Variants in GTF2F2 observed in about 807,000 individuals in gnomAD.
GTF2F2 encodes the protein general transcription factor IIF subunit 2.
GTF2F2 carries 23 observed loss-of-function variants against 42.2 expected under a neutral mutation model. The observed-to-expected ratio is 0.55, with a 90% confidence interval of 0.39 to 0.77. GTF2F2 has a LOEUF of 0.77. GTF2F2 is among the 30% of genes least tolerant of loss of function. GTF2F2 has a pLI of 0.00. For synonymous variants in GTF2F2, 105 were observed against 100.8 expected (o/e 1.04, Z -0.25); for missense variants, 261 against 287.2 (o/e 0.91, Z 0.66).
intron 1 of GTF2F2, among the ~76,000 whole-genome samples, chr13:45,121,913 A>AGATT (rs10643563): frequency 0.1 from 15,331 of 152,100 alleles, 2,010 homozygotes; most frequent in African/African-American, 0.31. Context: ...ACTAAGGAGG[A>AGATT]GATTGCCCTT....
chr13:45,284,379 C>T lies in GTF2F2; in HGVS notation c.*818C>T, dbSNP rs1455172556. 2 of 151,954 alleles carry T rather than the reference C, an allele frequency of 1.3e-5. No homozygotes were observed. Among genetic ancestry groups the T allele is most frequent in the Non-Finnish European group, 2.9e-5 (2 of 67,982 alleles). 9.4% of individuals were successfully genotyped at this position (151,954 alleles called of 1,614,324 possible). A position where few individuals can be genotyped will look rare whatever the true frequency, so the allele number is the denominator to read the frequency against. On this transcript the variant is annotated 3_prime_UTR_variant, in exon 8 of 8. Coordinates refer to ENST00000340473, the MANE Select transcript of GTF2F2 (RefSeq NM_004128.3). Reference sequence around the variant, plus strand: ...CAAAAGATGGGCGTAGGGGTCCAGCCGAGACAGAAAACGTTAGTTTCAATT... The same window carrying T: ...CAAAAGATGGGCGTAGGGGTCCAGCTGAGACAGAAAACGTTAGTTTCAATT...
chr13:45,273,077 C>A (rs1876871162), intron 7 of GTF2F2, among the ~76,000 whole-genome samples: 2 of 151,846 alleles, frequency 1.3e-5, no homozygotes, highest in Non-Finnish European at 2.9e-5. Context: ...GGGCGCCCGC[C>A]ACCACGCCTG....
intron 4 of GTF2F2, among the ~76,000 whole-genome samples, chr13:45,180,878 T>C (rs1484461404): frequency 6.6e-6 from 1 of 152,050 alleles, no homozygotes; most frequent in Non-Finnish European, 1.5e-5. Flanking sequence ...AAAACGAAAG[T>C]GATCTGGGCG....
intron 6 of GTF2F2, among the ~76,000 whole-genome samples, chr13:45,264,384 C>T (rs925210111): frequency 6.6e-6 from 1 of 151,874 alleles, no homozygotes; most frequent in Admixed American, 6.6e-5. Context: ...TGGCTTCAAG[C>T]GATTCTGCTG....
chr13:45,157,980 T>C (rs1870847819), intron 4 of GTF2F2, among the ~76,000 whole-genome samples: 1 of 152,246 alleles, frequency 6.6e-6, no homozygotes, highest in Non-Finnish European at 1.5e-5. Context: ...CTGCCAGTGA[T>C]ACATTATTCT....
chr13:45,224,461 T>C (rs1874246556), intron 5 of GTF2F2, among the ~76,000 whole-genome samples: 1 of 152,234 alleles, frequency 6.6e-6, no homozygotes, highest in South Asian at 2.1e-4. Context: ...CTGTGACATC[T>C]GTTTTGGTTG....
chr13:45,166,089 C>T (rs1159446324), intron 4 of GTF2F2, among the ~76,000 whole-genome samples: 1 of 152,132 alleles, frequency 6.6e-6, no homozygotes, highest in Non-Finnish European at 1.5e-5. Flanking sequence ...GCTGGGATTA[C>T]AGGCGTGAGC....
At chr13:45,223,963 A>T (rs1249937504) in intron 5 of GTF2F2, among the ~76,000 whole-genome samples, 1 of 152,200 alleles carries the variant, frequency 6.6e-6, no homozygotes, top group Non-Finnish European at 1.5e-5. Context: ...TTTGTAACTT[A>T]AAATTTTTAG....
chr13:45,180,435 T>C (rs1872094355), intron 4 of GTF2F2, among the ~76,000 whole-genome samples: 1 of 152,164 alleles, frequency 6.6e-6, no homozygotes, highest in Admixed American at 6.5e-5. Context: ...GTCATTTTTT[T>C]CCGTATGTGT....
At chr13:45,245,956 A>T (rs1293173651) in intron 5 of GTF2F2, among the ~76,000 whole-genome samples, 1 of 148,610 alleles carries the variant, frequency 6.7e-6, no homozygotes, top group Non-Finnish European at 1.5e-5. Flanking sequence ...AAAAAAAAAA[A>T]GTATTCCCTT....
intron 5 of GTF2F2, among the ~76,000 whole-genome samples, chr13:45,228,669 C>CTTTTTTTT (rs57570023): frequency 0.062 from 6,641 of 107,692 alleles, 1,176 homozygotes; most frequent in African/African-American, 0.25. Context: ...CAGAGTTAAT[C>CTTTTTTTT]TTTTTTTTTT....
At chr13:45,263,929 TA>T in intron 6 of GTF2F2, 2 of 175,630 alleles carry the variant, frequency 1.1e-5, no homozygotes, top group African/African-American at 2.4e-5. Flanking sequence ...TTTGGGAATA[TA>T]AAGAATTTGC....
chr13:45,270,985 G>T (rs1876764348), intron 7 of GTF2F2, among the ~76,000 whole-genome samples: 1 of 152,088 alleles, frequency 6.6e-6, no homozygotes, highest in Non-Finnish European at 1.5e-5. Flanking sequence ...GTATTAAAAA[G>T]TGTCATTGAA....
In GTF2F2 at chr13:45,151,733, G is replaced by T. The variant is rs1288174465; in HGVS notation, c.206G>T (p.Gly69Val). 3 of 1,605,170 alleles carry T rather than the reference G, an allele frequency of 1.9e-6. No homozygotes were observed. In the African/African-American group the frequency reaches 4.0e-5, roughly 22 times the overall value. Reference sequence around the variant, plus strand: ...GATCTTGCAAATATTCATGATATTGGTGGAAAACCAGCTTCAGTCAGTGCT... The same window carrying T: ...GATCTTGCAAATATTCATGATATTGTTGGAAAACCAGCTTCAGTCAGTGCT... ...NEDLANIHDI[G>V]GKPASVSAPR... Residue 69 changes from glycine to valine, a missense_variant, in exon 4 of 8, where the codon GGT becomes GTT. Gly to Val is a moderately radical substitution (Grantham distance 109). Coordinates refer to ENST00000340473, the MANE Select transcript of GTF2F2 (RefSeq NM_004128.3).
chr13:45,139,180 T>C (rs77713659), intron 2 of GTF2F2, among the ~76,000 whole-genome samples: 1,905 of 152,280 alleles, frequency 0.013, 19 homozygotes, highest in Middle Eastern at 0.065. Flanking sequence ...ACTAGTGAAA[T>C]GTAGGATGTA....
At chr13:45,197,492 C>T (rs1289075025) in intron 4 of GTF2F2, among the ~76,000 whole-genome samples, 4 of 136,382 alleles carry the variant, frequency 2.9e-5, no homozygotes, top group Non-Finnish European at 4.6e-5. Flanking sequence ...CTGGGCAACA[C>T]AGTAAGACCC....
At chr13:45,176,970 A>G (rs1044831636) in intron 4 of GTF2F2, among the ~76,000 whole-genome samples, 1 of 151,646 alleles carries the variant, frequency 6.6e-6, no homozygotes, top group Non-Finnish European at 1.5e-5. Context: ...TTGTATTTTT[A>G]GTAGAGATGG....
intron 4 of GTF2F2, among the ~76,000 whole-genome samples, chr13:45,176,815 G>T (rs1390365278): frequency 6.6e-6 from 1 of 151,672 alleles, no homozygotes; most frequent in African/African-American, 2.4e-5. Context: ...GGGGGGGACG[G>T]TCTCGCTCCA....
intron 5 of GTF2F2, among the ~76,000 whole-genome samples, chr13:45,252,561 T>C (rs1395107211): frequency 6.6e-6 from 1 of 152,214 alleles, no homozygotes; most frequent in African/African-American, 2.4e-5. Flanking sequence ...TACATGAAGA[T>C]TTTTTCCCCC....
Sources: allele counts gnomAD v4.1 joint callset (sites outside exome capture counted in the v4.1 genomes callset), GRCh38; gene constraint gnomAD v4.1.1; transcripts MANE v1.5; gene names NCBI Gene and HGNC (gene_info 2026-07-23, HGNC 2026-07-21).